The following GPR22 variants were observed in gnomAD, a reference collection of about 807,000 sequenced individuals.
The protein encoded by GPR22 is G-protein coupled receptor 22.
Under a neutral mutation model 31.0 loss-of-function variants are expected in GPR22, and 13 were observed. That is an observed-to-expected ratio of 0.42 (90% CI 0.27 to 0.67). GPR22 has a LOEUF of 0.67. Among genes scored for constraint, GPR22 ranks in the 30% least tolerant of loss-of-function variants. The pLI is 0.25. For missense variants in GPR22, 368 were observed against 509.6 expected, an observed-to-expected ratio of 0.72 and a Z score of 2.67; for synonymous variants, 191 against 173.4, an observed-to-expected ratio of 1.10 and a Z score of -0.80.
intron 2 of GPR22, 144 bp downstream of exon 2, chr7:107,472,446 G>A (rs921275219): frequency 6.6e-6 from 1 of 151,900 alleles, no homozygotes; most frequent in Non-Finnish European, 1.5e-5. Flanking sequence ...TAACATTTAC[G>A]AAAGAACAGA....
rs1796662124 is a variant in GPR22 at position 107,472,010 on chromosome 7, A to C, written c.-319A>C. The stretch of plus-strand genomic sequence containing the variant: ...TACAATGGTAACAAAAGGATGTCTA[A>C]ATATATTTTAGAAGCTACAAACGTT... On this transcript the variant is annotated 5_prime_UTR_variant, in exon 2 of 3. Transcript: ENST00000304402. 1 of 152,052 alleles carries C rather than the reference A, an allele frequency of 6.6e-6. No homozygotes were observed. The highest frequency in any genetic ancestry group is 2.4e-5 in the African/African-American group (1 of 41,448). 9.4% of individuals were successfully genotyped at this position (152,052 alleles called of 1,614,324 possible).
intron 2 of GPR22, among the ~76,000 whole-genome samples, chr7:107,473,437 G>A (rs1183573695): frequency 6.6e-6 from 1 of 151,756 alleles, no homozygotes; most frequent in African/African-American, 2.4e-5. Flanking sequence ...ATTAATCACT[G>A]GCCTATTTCT....
intron 1 of GPR22, among the ~76,000 whole-genome samples, chr7:107,470,745 A>G (rs1324941236): frequency 6.6e-6 from 1 of 152,074 alleles, no homozygotes; most frequent in African/African-American, 2.4e-5. Context: ...TGTTTCAAAA[A>G]TGCTTCTGTT....
In GPR22 at chr7:107,474,190, C is replaced by G; in HGVS notation, c.130C>G (p.Leu44Val). Residue 44 changes from leucine to valine, a missense_variant, in exon 3 of 3, where the codon CTC (leucine) becomes GTC (valine). By Grantham distance (32) the Leu-to-Val change is conservative (BLOSUM62 1). Transcript: ENST00000304402. The surrounding 1 kb of genome is among the most constrained non-coding windows in gnomAD (Gnocchi z 5.7). ...ATATCCGTTAAGCTTTCAAGTGTCT[C>G]TCACCGGATTTCTTATGTTAGAAAT... ...LSYPLSFQVSLTGFLMLEIVL... is the reference protein window; with the variant it reads ...LSYPLSFQVSVTGFLMLEIVL... 4.3e-6 allele frequency: 7 copies of G among 1,613,014 alleles called. No individual in the cohort carries two copies. The highest frequency in any genetic ancestry group is 5.9e-6 in the Non-Finnish European group (7 of 1,179,156).
At chr7:107,470,663 T>G (rs1272915190) in intron 1 of GPR22, among the ~76,000 whole-genome samples, 1 of 152,124 alleles carries the variant, frequency 6.6e-6, no homozygotes, top group Non-Finnish European at 1.5e-5. Flanking sequence ...GTAAATTCAT[T>G]ATGAAGACAG....
At chr7:107,476,168 T>C (rs573566533), downstream of GPR22, among the ~76,000 whole-genome samples, 4 of 90,824 alleles carry the variant, frequency 4.4e-5, no homozygotes, top group Admixed American at 1.3e-4. Context: ...TCTGGATTAA[T>C]ATAGTGCAAT....
chr7:107,474,148 A>G lies in GPR22; in HGVS notation c.88A>G (p.Met30Val). 1 of 1,610,068 alleles carries G rather than the reference A, an allele frequency of 6.2e-7. No homozygotes were observed. The highest frequency in any genetic ancestry group is 8.5e-7 in the Non-Finnish European group (1 of 1,176,622). Residue 30 changes from methionine to valine, a missense_variant, in exon 3 of 3, where the codon ATG becomes GTG. Coordinates refer to ENST00000304402, the MANE Select transcript of GPR22 (RefSeq NM_005295.3). This position sits in a 1 kb window ranked among gnomAD's most constrained non-coding sequence, Gnocchi z 5.7. ...RDDIDDINTN[M>V]YQPLSYPLSF... ...TGACATTGATGACATCAACACCAAT[A>G]TGTACCAACCACTATCATATCCGTT... is the stretch of plus-strand genomic sequence containing the variant.
rs1329598609 is a variant in GPR22, at chr7:107,471,917, A to T, written c.-412A>T. 1 of 152,052 alleles carries T rather than the reference A, an allele frequency of 6.6e-6. No homozygotes were observed. The highest frequency in any genetic ancestry group is 1.9e-4 in the East Asian group (1 of 5,194). The allele number at this position is 152,052 out of a possible 1,614,324, so 9.4% of individuals were successfully genotyped here. ...TCAAAAGGACATGGCCTGGATTTAT[A>T]ATATAAAGCAAGTTATGTGATCAAG... On this transcript the variant is annotated 5_prime_UTR_variant, in exon 2 of 3. Transcript: ENST00000304402.
chr7:107,474,857 A>G lies in GPR22; in HGVS notation c.797A>G (p.His266Arg). The G allele has an allele frequency of 6.2e-7, 1 of 1,613,136 alleles. No homozygotes were observed. The highest frequency in any genetic ancestry group is 8.5e-7 in the Non-Finnish European group (1 of 1,179,452). ...AAGACAATTTCTCTAACCACACAACATGAGGCTACAGACATGTCACAAAGC... is the reference window on the plus strand; with the variant it reads ...AAGACAATTTCTCTAACCACACAACGTGAGGCTACAGACATGTCACAAAGC... ...KKKTISLTTQHEATDMSQSSG... is the reference protein window; with the variant it reads ...KKKTISLTTQREATDMSQSSG... Residue 266 changes from histidine (H) to arginine (R), a missense_variant, in exon 3 of 3, where the codon CAT becomes CGT. Coordinates refer to ENST00000304402, the MANE Select transcript of GPR22 (RefSeq NM_005295.3). The surrounding 1 kb of genome is among the most constrained non-coding windows in gnomAD (Gnocchi z 5.7).
chr7:107,474,240 C>G lies in GPR22; in HGVS notation c.180C>G (p.Leu60=). The G allele has an allele frequency of 1.9e-6, 3 of 1,612,996 alleles. No homozygotes were observed. The highest frequency in any genetic ancestry group is 1.7e-6 in the Non-Finnish European group (2 of 1,179,236). Residue 60 remains leucine (L), a synonymous_variant, in exon 3 of 3, where the codon CTC becomes CTG. Coordinates refer to ENST00000304402, the MANE Select transcript of GPR22 (RefSeq NM_005295.3). This position sits in a 1 kb window ranked among gnomAD's most constrained non-coding sequence, Gnocchi z 5.7. ...LEIVLGLGSN[L]TVLVLYCMKS... Reference sequence around the variant, plus strand: ...TTGTGTTGGGACTTGGCAGCAACCTCACTGTATTGGTACTTTACTGCATGA... The same window carrying G: ...TTGTGTTGGGACTTGGCAGCAACCTGACTGTATTGGTACTTTACTGCATGA...
At chr7:107,475,928 A>C (rs1432093127), downstream of GPR22, among the ~76,000 whole-genome samples, 1 of 151,520 alleles carries the variant, frequency 6.6e-6, no homozygotes, top group East Asian at 1.9e-4. Flanking sequence ...GTAAAAAATC[A>C]TAGAATTTAT....
intron 2 of GPR22, chr7:107,472,712 C>A (rs1399977838): frequency 6.6e-6 from 1 of 151,816 alleles, no homozygotes; most frequent in African/African-American, 2.4e-5. Context: ...TGTGTTTCTG[C>A]AATATTATTC....
At position 107,474,457 on chromosome 7, in the gene GPR22, G is replaced by A. The variant is rs200865278; in HGVS notation, c.397G>A (p.Val133Ile). 1 of 1,613,254 alleles carries A rather than the reference G, an allele frequency of 6.2e-7. No homozygotes were observed. The highest frequency in any genetic ancestry group is 1.7e-5 in the Admixed American group (1 of 59,902). Residue 133 changes from valine to isoleucine, a missense_variant, in exon 3 of 3, where the codon GTT becomes ATT. By Grantham distance (29) the Val-to-Ile change is conservative. Coordinates refer to ENST00000304402, the MANE Select transcript of GPR22 (RefSeq NM_005295.3). The surrounding 1 kb of genome is among the most constrained non-coding windows in gnomAD (Gnocchi z 5.7). ...SFASVSTAIN[V>I]FAITLDRYDI... The stretch of plus-strand genomic sequence containing the variant: ...TGCAAGTGTCTCAACAGCAATCAAC[G>A]TTTTTGCTATCACTTTGGACAGATA...
In GPR22 at chr7:107,474,009, A is replaced by G; in HGVS notation, c.-26-26A>G. 2 of 913,228 alleles carry G rather than the reference A, an allele frequency of 2.2e-6. No homozygotes were observed. The highest frequency in any genetic ancestry group is 2.3e-4 in the Middle Eastern group (1 of 4,422). 56.6% of individuals were successfully genotyped at this position (913,228 alleles called of 1,614,324 possible). On this transcript the variant is annotated intron_variant, in intron 2 of 2. Coordinates refer to ENST00000304402, the MANE Select transcript of GPR22 (RefSeq NM_005295.3). The surrounding 1 kb of genome is among the most constrained non-coding windows in gnomAD (Gnocchi z 5.7). ...CGTCATTTAAATTGCCAAATATCAA[A>G]TAGTTTATTCTATTTCACTTTCTAG...
downstream of GPR22, among the ~76,000 whole-genome samples, chr7:107,475,849 T>A (rs1387565263): frequency 1.3e-5 from 2 of 151,650 alleles, no homozygotes; most frequent in African/African-American, 4.8e-5. Flanking sequence ...TGTTTCCTGG[T>A]ATAGTGTATT....
intron 2 of GPR22, 32 bp downstream of exon 2, chr7:107,472,334 A>G (rs1796683625): frequency 6.6e-6 from 1 of 151,906 alleles, no homozygotes; most frequent in Non-Finnish European, 1.5e-5. Context: ...TGTCAATGAT[A>G]TCATGTATCA....
rs913478748 is a variant in GPR22 at position 107,474,104 on chromosome 7, C to G, written c.44C>G (p.Ser15Cys). 6.2e-6 allele frequency: 10 copies of G among 1,600,938 alleles called. No homozygotes were observed. Among genetic ancestry groups the G allele is most frequent in the Non-Finnish European group, 8.5e-6 (10 of 1,172,342 alleles). The change falls in exon 3 of 3, where the codon TCT (serine) becomes TGT (cysteine). Residue 15 changes from serine to cysteine, a missense_variant. By Grantham distance (112) the Ser-to-Cys change is moderately radical. Coordinates refer to ENST00000304402, the MANE Select transcript of GPR22 (RefSeq NM_005295.3). The surrounding 1 kb of genome is among the most constrained non-coding windows in gnomAD (Gnocchi z 5.7). ...PILEINMQSE[S>C]NITVRDDIDD... ...CTGGAAATCAACATGCAGTCTGAAT[C>G]TAACATTACAGTGCGAGATGACATT...
chr7:107,474,882 C>T lies in GPR22; in HGVS notation c.822C>T (p.Ser274=). ...ATGAGGCTACAGACATGTCACAAAG[C>T]AGTGGTGGGAGAAATGTAGTCTTTG... ...TQHEATDMSQ[S]SGGRNVVFGV... is the part of the protein sequence containing the mutation. The change falls in exon 3 of 3, where the codon AGC becomes AGT. Residue 274 remains serine, a synonymous_variant. Coordinates refer to ENST00000304402, the MANE Select transcript of GPR22 (RefSeq NM_005295.3). The surrounding 1 kb of genome is among the most constrained non-coding windows in gnomAD (Gnocchi z 5.7). 1 of 1,613,058 alleles carries T rather than the reference C, an allele frequency of 6.2e-7. No individual in the cohort carries two copies. The highest frequency in any genetic ancestry group is 8.5e-7 in the Non-Finnish European group (1 of 1,179,372).
rs1432862492 is a variant in GPR22, at chr7:107,474,619, G to T, written c.559G>T (p.Gly187Ter). 1 of 1,610,718 alleles carries T rather than the reference G, an allele frequency of 6.2e-7. No homozygotes were observed. The highest frequency in any genetic ancestry group is 2.2e-5 in the East Asian group (1 of 44,812). ...IEVNFFSLQS[G>*]NTWENKTLLC... ...GGTAAATTTTTTCAGTCTTCAAAGT[G>T]GAAATACCTGGGAAAACAAGACACT... is the stretch of plus-strand genomic sequence containing the variant. The change falls in exon 3 of 3, where the codon GGA (glycine) becomes TGA (stop). Residue 187 changes from glycine (G) to a stop codon, truncating the protein, a stop_gained. Coordinates refer to ENST00000304402, the MANE Select transcript of GPR22 (RefSeq NM_005295.3). LOFTEE classifies it high-confidence loss of function. The surrounding 1 kb of genome is among the most constrained non-coding windows in gnomAD (Gnocchi z 5.7).
Sources: gnomAD v4.1 joint callset for allele counts (sites outside exome capture counted in the v4.1 genomes callset) on GRCh38, gnomAD v4.1.1 for gene constraint, Gnocchi (gnomAD v3.1) non-coding constraint, MANE v1.5 for transcripts, NCBI Gene and HGNC (gene_info 2026-07-23, HGNC 2026-07-21) for gene names.